Variants in DNAJC2 observed in about 807,000 individuals in gnomAD.
DNAJC2 encodes dnaJ homolog subfamily C member 2.
Under a neutral mutation model 94.0 loss-of-function variants are expected in DNAJC2, and 32 were observed. That is an observed-to-expected ratio of 0.34 (90% CI 0.26 to 0.46). DNAJC2 has a LOEUF of 0.46. Among genes scored for constraint, DNAJC2 ranks in the 20% least tolerant of loss-of-function variants. DNAJC2 has a pLI of 1.00. For missense variants in DNAJC2, 550 were observed against 719.5 expected (o/e 0.76, Z 2.69); for synonymous variants, 210 against 229.7 (o/e 0.91, Z 0.77).
chr7:103,317,409 A>C (rs773943512), intron 12 of DNAJC2: 1 of 165,806 alleles, frequency 6.0e-6, no homozygotes, highest in Non-Finnish European at 1.3e-5. Context: ...AGGCATAGCA[A>C]AATGGCCTCT....
chr7:103,337,519 C>A, intron 3 of DNAJC2: 1 of 475,932 alleles, frequency 2.1e-6, no homozygotes, highest in Non-Finnish European at 3.7e-6. Context: ...ATCCTAATTT[C>A]TTATCCCTAA....
chr7:103,336,952 C>CAT (rs1204254889), intron 3 of DNAJC2: 1 of 152,236 alleles, frequency 6.6e-6, no homozygotes, highest in African/African-American at 2.4e-5. Flanking sequence ...TCTTCCTCCA[C>CAT]ATATAATACT....
intron 3 of DNAJC2, chr7:103,329,528 T>TA (rs1398191545): frequency 2.0e-5 from 3 of 152,248 alleles, no homozygotes; most frequent in African/African-American, 7.2e-5. Context: ...TTCTAGTACT[T>TA]ACAATAGTTC....
chr7:103,343,910 G>T (rs1819490378), intron 1 of DNAJC2, among the ~76,000 whole-genome samples: 1 of 152,184 alleles, frequency 6.6e-6, no homozygotes, highest in Non-Finnish European at 1.5e-5. Flanking sequence ...GCGCCTATGT[G>T]ACTGGCTATG....
Position 103,323,586 on chromosome 7 carries a change from T to A in DNAJC2, c.719+12A>T. On this transcript the variant is annotated intron_variant, in intron 7 of 16. Transcript: ENST00000379263. ...ATAAATACCTTCCATTATTAATGATTTGCATACATACCATTCTGCTTTTTC... is the reference window on the plus strand; with the variant it reads ...ATAAATACCTTCCATTATTAATGATATGCATACATACCATTCTGCTTTTTC... The A allele has an allele frequency of 6.9e-7, 1 of 1,455,758 alleles. No homozygotes were observed. Among genetic ancestry groups the A allele is most frequent in the East Asian group, 2.5e-5 (1 of 39,816 alleles). 90.2% of individuals were successfully genotyped at this position (1,455,758 alleles called of 1,614,324 possible). A position where few individuals can be genotyped will look rare whatever the true frequency, so the allele number is the denominator to read the frequency against.
intron 12 of DNAJC2, among the ~76,000 whole-genome samples, chr7:103,319,337 T>C (rs1174992639): frequency 6.6e-6 from 1 of 152,106 alleles, no homozygotes; most frequent in East Asian, 1.9e-4. Flanking sequence ...CTCAGGAGGC[T>C]GAGGCAGGAG....
At chr7:103,327,570 CTACAG>C (rs1031709170) in intron 4 of DNAJC2, 81 bp downstream of exon 4, 1 of 859,510 alleles carries the variant, frequency 1.2e-6, no homozygotes, top group African/African-American at 1.7e-5. Flanking sequence ...GTTGAATGAA[CTACAG>C]TATGCATAAG....
chr7:103,327,299 CTT>C lies in DNAJC2; in HGVS notation c.430+355_430+356del. The C allele has an allele frequency of 4.3e-6, 5 of 1,160,906 alleles. No individual in the cohort carries two copies. The South Asian group carries it at 6.7e-5, about 16-fold the overall frequency. The allele number at this position is 1,160,906 out of a possible 1,614,324, so 71.9% of individuals were successfully genotyped here. ...CATCTGAAACGAAAAAAAAAAAAAT[CTT>C]AGTATTCTCATCATTAAATAGAACA... On this transcript the variant is annotated intron_variant, in intron 4 of 16. Transcript: ENST00000379263.
At position 103,316,906 on chromosome 7, in the gene DNAJC2, T is replaced by G; in HGVS notation, c.1351A>C (p.Ser451Arg). ...EKSTGGGGNGSKNWSEDDLQL... is the reference protein window; with the variant it reads ...EKSTGGGGNGRKNWSEDDLQL... ...AGATCATCTTCTGACCAATTTTTAC[T>G]TCCATTTCCACCTCCACCAGTTGAT... Residue 451 changes from serine to arginine, a missense_variant, in exon 13 of 17, where the codon AGT (serine) becomes CGT (arginine). Around this residue, in one of 2 missense-constraint regions of DNAJC2, gnomAD observed 271 missense variants for 302.6 expected, o/e 0.90. Coordinates refer to ENST00000379263, the MANE Select transcript of DNAJC2 (RefSeq NM_014377.3). The G allele has an allele frequency of 8.7e-6, 14 of 1,614,098 alleles. No individual in the cohort carries two copies. The highest frequency in any genetic ancestry group is 1.0e-5 in the Non-Finnish European group (12 of 1,180,000).
At chr7:103,323,026 T>A (rs1175469364) in intron 7 of DNAJC2, among the ~76,000 whole-genome samples, 1 of 151,944 alleles carries the variant, frequency 6.6e-6, no homozygotes, top group Non-Finnish European at 1.5e-5. Flanking sequence ...GCCTCCCAGG[T>A]TCAAGTGAGT....
chr7:103,333,426 T>C (rs979550281), intron 3 of DNAJC2, among the ~76,000 whole-genome samples: 3 of 152,212 alleles, frequency 2.0e-5, no homozygotes, highest in African/African-American at 7.2e-5. Flanking sequence ...TTTATTTCTG[T>C]CTAGGCTCAA....
chr7:103,327,728 G>T lies in DNAJC2; in HGVS notation c.358C>A (p.Pro120Thr). Residue 120 changes from proline (P) to threonine (T), a missense_variant, in exon 4 of 17, where the codon CCA becomes ACA. By Grantham distance (38) the Pro-to-Thr change is conservative. Around this residue, in one of 2 missense-constraint regions of DNAJC2, gnomAD observed 279 missense variants for 416.9 expected, o/e 0.67. Transcript: ENST00000379263. ...TCACCAGCTGCTTTCCGTTTGTCTG[G>T]GTGATGTTTTAAAACCATTGCTTTA... ...AHKAMVLKHH[P>T]DKRKAAGEPI... 1 of 1,612,984 alleles carries T rather than the reference G, an allele frequency of 6.2e-7. No homozygotes were observed. The highest frequency in any genetic ancestry group is 8.5e-7 in the Non-Finnish European group (1 of 1,179,524).
chr7:103,344,060 T>C, intron 1 of DNAJC2, among the ~76,000 whole-genome samples: 1 of 152,228 alleles, frequency 6.6e-6, no homozygotes, highest in East Asian at 1.9e-4. Flanking sequence ...CGCGGATCTT[T>C]TCAGCAGCAC....
At position 103,333,952 on chromosome 7, in the gene DNAJC2, T is replaced by C. The variant is rs574816723; in HGVS notation, c.331+3784A>G. Among the ~76,000 whole-genome samples, 734 of 139,766 alleles carry C rather than the reference T, an allele frequency of 5.3e-3. 6 individuals are homozygous for C. Among genetic ancestry groups the C allele is most frequent in the African/African-American group, 0.019 (694 of 37,056 alleles). The allele number at this position is 139,766 out of a possible 152,430, so 91.7% of individuals were successfully genotyped here. A position where few individuals can be genotyped will look rare whatever the true frequency, so the allele number is the denominator to read the frequency against. On this transcript the variant is annotated intron_variant, in intron 3 of 16. Coordinates refer to ENST00000379263, the MANE Select transcript of DNAJC2 (RefSeq NM_014377.3). The stretch of plus-strand genomic sequence containing the variant: ...CATTGTGAATAGGCTGTTGTGAACA[T>C]TTTTTTTTTTTTTTTTGAGACGGAG...
At chr7:103,318,432 C>T (rs1017854372) in intron 12 of DNAJC2, among the ~76,000 whole-genome samples, 2 of 152,182 alleles carry the variant, frequency 1.3e-5, no homozygotes, top group Non-Finnish European at 2.9e-5. Context: ...TTCTGACCTT[C>T]ATTTTAACTC....
At chr7:103,333,245 C>G (rs1428057987) in intron 3 of DNAJC2, among the ~76,000 whole-genome samples, 4 of 152,154 alleles carry the variant, frequency 2.6e-5, no homozygotes, top group Non-Finnish European at 5.9e-5. Context: ...TTGTGCTATT[C>G]TTTTAAACCT....
intron 3 of DNAJC2, chr7:103,336,657 T>C (rs1417285628): frequency 6.6e-6 from 1 of 152,240 alleles, no homozygotes; most frequent in Non-Finnish European, 1.5e-5. Flanking sequence ...ATGCTATTCT[T>C]TCGTATAGTA....
chr7:103,317,123 C>T (rs1379661558), intron 12 of DNAJC2, 109 bp from the exon 13 acceptor site: 1 of 985,532 alleles, frequency 1.0e-6, no homozygotes. Flanking sequence ...CATTCTCACT[C>T]TGACCCCATA....
At chr7:103,326,446 A>G in intron 5 of DNAJC2, 97 bp downstream of exon 5, 1 of 1,228,442 alleles carries the variant, frequency 8.1e-7, no homozygotes, top group South Asian at 1.3e-5. Context: ...AATAATCTAT[A>G]AATGAAACTA....
Sources: allele counts gnomAD v4.1 joint callset (sites outside exome capture counted in the v4.1 genomes callset), GRCh38; gene constraint gnomAD v4.1.1; regional missense constraint gnomAD v4.1.1; transcripts MANE v1.5; gene names NCBI Gene and HGNC (gene_info 2026-07-23, HGNC 2026-07-21).